Variants in BCR observed in about 807,000 individuals in gnomAD.
BCR encodes the protein BCR activator of RhoGEF and GTPase.
BCR carries 58 observed loss-of-function variants against 138.6 expected under a neutral mutation model. The ratio of observed to expected loss-of-function variants is 0.42; its 90% CI spans 0.34 to 0.52. The LOEUF (loss-of-function observed/expected upper bound fraction) is 0.52. Ranked by LOEUF, BCR falls within the 20% of genes least tolerant of loss-of-function variation. The pLI, the probability that BCR is intolerant of heterozygous loss-of-function variation, is 0.06. For synonymous variants in BCR, 786 were observed against 730.1 expected, an observed-to-expected ratio of 1.08 and a Z score of -1.23; for missense variants, 1,599 against 1,727.2, an observed-to-expected ratio of 0.93 and a Z score of 1.32.
At chr22:23,204,036 A>G (rs1266784225) in intron 1 of BCR, among the ~76,000 whole-genome samples, 1 of 152,198 alleles carries the variant, frequency 6.6e-6, no homozygotes, top group Non-Finnish European at 1.5e-5. Context: ...AGGAGGGCAG[A>G]TAATGGTGAG....
At chr22:23,290,523 C>T (rs183007213) in intron 14 of BCR, 110 bp downstream of exon 14, 400 of 1,109,438 alleles carry the variant, frequency 3.6e-4, no homozygotes, top group Admixed American at 4.8e-4. Context: ...CAGATGACCA[C>T]GGGACACCTT....
chr22:23,262,876 G>C, intron 4 of BCR: 3 of 1,059,998 alleles, frequency 2.8e-6, no homozygotes, highest in Non-Finnish European at 2.3e-6. Flanking sequence ...GGCGAAGGAG[G>C]CAGCGGGCCG....
Position 23,181,451 on chromosome 22 carries a change from G to A in BCR, c.491G>A (p.Gly164Asp), listed in dbSNP as rs752113949. 1.9e-6 allele frequency: 3 copies of A among 1,606,062 alleles called. No homozygotes were observed. In the East Asian group the frequency reaches 6.7e-5, roughly 36 times the overall value. The change falls in exon 1 of 23, where the codon GGC (glycine) becomes GAC (aspartate). Residue 164 changes from glycine to aspartate, a missense_variant. Coordinates refer to ENST00000305877, the MANE Select transcript of BCR (RefSeq NM_004327.4). The stretch of plus-strand genomic sequence containing the variant: ...TCCAACTTCGAGCGGATCCGCAAGG[G>A]CCATGGCCAGCCCGGGGCGGACGCC... The part of the protein sequence containing the change: ...LRSNFERIRK[G>D]HGQPGADAEK...
chr22:23,182,016 C>T lies in BCR; in HGVS notation c.1056C>T (p.Arg352=). The T allele has an allele frequency of 6.2e-7, 1 of 1,612,926 alleles. No homozygotes were observed. The highest frequency in any genetic ancestry group is 2.2e-5 in the East Asian group (1 of 44,834). Reference sequence around the variant, plus strand: ...ACTTCTCCTCTGGCCAGTCCAGCCGCGTGTCCCCAAGCCCCACCACCTACC... The same window carrying T: ...ACTTCTCCTCTGGCCAGTCCAGCCGTGTGTCCCCAAGCCCCACCACCTACC... ...EEDFSSGQSS[R]VSPSPTTYRM... Residue 352 remains arginine (R), a synonymous_variant, in exon 1 of 23, where the codon CGC becomes CGT. Coordinates refer to ENST00000305877, the MANE Select transcript of BCR (RefSeq NM_004327.4).
rs749272031 is a variant in BCR, at chr22:23,182,098, A to G, written c.1138A>G (p.Ser380Gly). ...PSQNSQQSFD[S>G]SSPPTPQCHK... is the part of the protein sequence containing the mutation. Reference sequence around the variant, plus strand: ...GCAGAACTCGCAACAGTCCTTCGACAGCAGCAGTCCCCCCACGCCGCAGTG... The same window carrying G: ...GCAGAACTCGCAACAGTCCTTCGACGGCAGCAGTCCCCCCACGCCGCAGTG... Residue 380 changes from serine to glycine, a missense_variant, in exon 1 of 23, where the codon AGC (serine) becomes GGC (glycine). Ser to Gly is a moderately conservative substitution (Grantham distance 56). Coordinates refer to ENST00000305877, the MANE Select transcript of BCR (RefSeq NM_004327.4). 3 of 1,613,066 alleles carry G rather than the reference A, an allele frequency of 1.9e-6. No individual in the cohort carries two copies. In the South Asian group the frequency reaches 3.3e-5, roughly 18 times the overall value.
intron 1 of BCR, among the ~76,000 whole-genome samples, chr22:23,247,851 A>G (rs2073173043): frequency 6.6e-6 from 1 of 152,242 alleles, no homozygotes; most frequent in African/African-American, 2.4e-5. Context: ...TCCACTAAGC[A>G]GAACATCAAG....
chr22:23,282,343 G>A (rs2073656606), intron 8 of BCR, among the ~76,000 whole-genome samples: 1 of 152,258 alleles, frequency 6.6e-6, no homozygotes, highest in African/African-American at 2.4e-5. Context: ...GTGTGGGTGA[G>A]TGCCGATGAG....
At chr22:23,310,221 C>A (rs2073992294) in intron 17 of BCR, 103 bp from the exon 18 acceptor site, 2 of 580,784 alleles carry the variant, frequency 3.4e-6, no homozygotes, top group Non-Finnish European at 3.2e-6. Context: ...CCTCTGCATG[C>A]CTTGGGGGTG....
chr22:23,189,736 G>T (rs1271338725), intron 1 of BCR, among the ~76,000 whole-genome samples: 1 of 152,086 alleles, frequency 6.6e-6, no homozygotes, highest in Non-Finnish European at 1.5e-5. Flanking sequence ...GTTTGACCCC[G>T]TGATCCACCC....
intron 1 of BCR, among the ~76,000 whole-genome samples, chr22:23,250,319 C>G (rs918935609): frequency 2.0e-5 from 3 of 152,246 alleles, no homozygotes; most frequent in Admixed American, 2.0e-4. Context: ...GTCTTAAGAT[C>G]GTCTTCAGAT....
rs569489140 is a variant in BCR at position 23,276,385 on chromosome 22, C to T, written c.2115+2611C>T. On this transcript the variant is annotated intron_variant, in intron 8 of 22. Coordinates refer to ENST00000305877, the MANE Select transcript of BCR (RefSeq NM_004327.4). ...CTGCACTCCAGTCTGGGCAACAGAG[C>T]GAGATTCTGTCTCAAAAAAAAGAAA... Among the ~76,000 whole-genome samples, 140 of 142,676 alleles carry T rather than the reference C, an allele frequency of 9.8e-4. 2 individuals are homozygous for T. The highest frequency in any genetic ancestry group is 3.4e-3 in the African/African-American group (128 of 37,134). 93.6% of individuals were successfully genotyped at this position (142,676 alleles called of 152,430 possible). A position where few individuals can be genotyped will look rare whatever the true frequency, so the allele number is the denominator to read the frequency against.
chr22:23,207,136 A>G (rs916287448), intron 1 of BCR, among the ~76,000 whole-genome samples: 2 of 152,154 alleles, frequency 1.3e-5, no homozygotes, highest in African/African-American at 2.4e-5. Flanking sequence ...TTTGAAGTTG[A>G]TGTGACACCT....
At chr22:23,231,080 A>C (rs2072952812) in intron 1 of BCR, among the ~76,000 whole-genome samples, 1 of 152,190 alleles carries the variant, frequency 6.6e-6, no homozygotes, top group African/African-American at 2.4e-5. Context: ...CTGTGTTGGG[A>C]TTAGCAGTAA....
At chr22:23,237,222 G>A (rs2073036923) in intron 1 of BCR, among the ~76,000 whole-genome samples, 1 of 152,186 alleles carries the variant, frequency 6.6e-6, no homozygotes, top group Admixed American at 6.5e-5. Flanking sequence ...TCCTCATCAG[G>A]ATCTGCTCAT....
chr22:23,221,851 C>T (rs1236299424), intron 1 of BCR, among the ~76,000 whole-genome samples: 1 of 152,046 alleles, frequency 6.6e-6, no homozygotes, highest in Non-Finnish European at 1.5e-5. Flanking sequence ...CAGCACTTTG[C>T]GGGGCCGAGG....
At chr22:23,185,878 A>G (rs1162096294) in intron 1 of BCR, among the ~76,000 whole-genome samples, 2 of 151,446 alleles carry the variant, frequency 1.3e-5, no homozygotes, top group African/African-American at 2.4e-5. Context: ...ACAGGCGCCC[A>G]CCACCACACC....
chr22:23,265,380 G>C (rs892926144), intron 4 of BCR, among the ~76,000 whole-genome samples: 4 of 152,252 alleles, frequency 2.6e-5, no homozygotes, highest in African/African-American at 9.6e-5. Flanking sequence ...CCCATGACCA[G>C]CTCAGTAGGG....
At chr22:23,294,911 G>T in intron 15 of BCR, 113 bp from the exon 16 acceptor site, 2 of 1,335,254 alleles carry the variant, frequency 1.5e-6, no homozygotes, top group Non-Finnish European at 2.1e-6. Context: ...CTCAGGCATT[G>T]GTCCCTCTGG....
At chr22:23,217,117 C>A in intron 1 of BCR, 1 of 421,504 alleles carries the variant, frequency 2.4e-6, no homozygotes. Flanking sequence ...TACACAGTCA[C>A]AGGACAAGGA....
Sources: gnomAD v4.1 joint callset for allele counts (sites outside exome capture counted in the v4.1 genomes callset) on GRCh38, gnomAD v4.1.1 for gene constraint, MANE v1.5 for transcripts, NCBI Gene and HGNC (gene_info 2026-07-23, HGNC 2026-07-21) for gene names.